DMD: variants seen among roughly 807,000 people sequenced by gnomAD.
DMD encodes the protein dystrophin.
In DMD, 63 loss-of-function variants were observed where a neutral mutation model predicts 330.1. The ratio of observed to expected loss-of-function variants is 0.19; its 90% CI spans 0.16 to 0.24. DMD has a LOEUF of 0.24. Among genes scored for constraint, DMD ranks in the 10% least tolerant of loss-of-function variants. The pLI is 1.00. For missense variants in DMD, 3,344 were observed against 2,684.1 expected, an observed-to-expected ratio of 1.25 and a Z score of -5.43; for synonymous variants, 1,223 against 959.8, an observed-to-expected ratio of 1.27 and a Z score of -5.07.
chrX:32,562,583 G>C (rs1208221828), intron 16 of DMD, among the ~76,000 whole-genome samples: 1 of 112,418 alleles, frequency 8.9e-6, no homozygotes, highest in Non-Finnish European at 1.9e-5. Flanking sequence ...AAACAATTGA[G>C]TATATCATGT....
intron 1 of DMD, among the ~76,000 whole-genome samples, chrX:33,131,687 G>C (rs746037488): frequency 1.8e-5 from 2 of 109,706 alleles, no homozygotes; most frequent in Admixed American, 9.6e-5. Flanking sequence ...AGGGTTCATC[G>C]GTACGATAAG....
chrX:32,139,812 C>T (rs2096743853), intron 44 of DMD, among the ~76,000 whole-genome samples: 1 of 112,295 alleles, frequency 8.9e-6, no homozygotes, highest in African/African-American at 3.2e-5. Flanking sequence ...TTAAAACATT[C>T]TTAAAACTTT....
At chrX:32,750,871 C>A (rs2148282637) in intron 7 of DMD, among the ~76,000 whole-genome samples, 1 of 111,532 alleles carries the variant, frequency 9.0e-6, no homozygotes, top group Admixed American at 9.5e-5. Context: ...ATTTCCCGTG[C>A]TGTTCTCATG....
chrX:31,830,910 C>T (rs1372229255), intron 49 of DMD, among the ~76,000 whole-genome samples: 1 of 111,957 alleles, frequency 8.9e-6, no homozygotes, highest in Non-Finnish European at 1.9e-5. Flanking sequence ...GCTCCTTTAC[C>T]AACGACGTGT....
intron 1 of DMD, among the ~76,000 whole-genome samples, chrX:33,102,671 T>G (rs1351764594): frequency 8.9e-6 from 1 of 111,763 alleles, no homozygotes; most frequent in African/African-American, 3.2e-5. Context: ...TTACCATACT[T>G]GGTATATTAT....
chrX:33,287,634 T>C (rs1569559567), intron 1 of DMD, among the ~76,000 whole-genome samples: 1 of 111,271 alleles, frequency 9.0e-6, no homozygotes, highest in African/African-American at 3.3e-5. Flanking sequence ...TCAACATCAA[T>C]AAAAAGTAAA....
intron 7 of DMD, among the ~76,000 whole-genome samples, chrX:32,702,936 T>C (rs1395924214): frequency 9.0e-6 from 1 of 111,556 alleles, no homozygotes; most frequent in Non-Finnish European, 1.9e-5. Context: ...CTGATTGTTC[T>C]GCAGCCATGG....
At chrX:32,854,896 T>C (rs774333511) in intron 2 of DMD, among the ~76,000 whole-genome samples, 30 of 111,648 alleles carry the variant, frequency 2.7e-4, no homozygotes, top group Non-Finnish European at 5.7e-4. Context: ...CTGCAGGCTA[T>C]TATCTCTGAC....
chrX:31,299,113 T>A (rs765007671), intron 62 of DMD, among the ~76,000 whole-genome samples: 1 of 111,718 alleles, frequency 9.0e-6, no homozygotes, highest in Admixed American at 9.5e-5. Context: ...TCTGCAAATG[T>A]CATTTACAAA....
At chrX:32,898,933 A>G (rs2085975068) in intron 2 of DMD, among the ~76,000 whole-genome samples, 1 of 111,937 alleles carries the variant, frequency 8.9e-6, no homozygotes, top group African/African-American at 3.2e-5. Context: ...ATCACTGCCT[A>G]CTATATATCA....
chrX:32,951,591 G>A (rs1302651470), intron 2 of DMD, among the ~76,000 whole-genome samples: 1 of 110,987 alleles, frequency 9.0e-6, no homozygotes, highest in African/African-American at 3.3e-5. Context: ...CTTCCCATGG[G>A]TTTCTCCTTT....
chrX:32,552,594 C>T (rs992056377), intron 16 of DMD, among the ~76,000 whole-genome samples: 1 of 111,792 alleles, frequency 8.9e-6, no homozygotes, highest in African/African-American at 3.3e-5. Context: ...AACTAAAGAA[C>T]TTCTACACAA....
chrX:33,081,210 GGA>G (rs752811638), intron 1 of DMD, among the ~76,000 whole-genome samples: 12 of 111,503 alleles, frequency 1.1e-4, no homozygotes, highest in Non-Finnish European at 2.3e-4. Context: ...CAACCCAAAA[GGA>G]GAGAAATACT....
At chrX:32,671,956 G>A (rs1247093755) in intron 9 of DMD, among the ~76,000 whole-genome samples, 1 of 110,775 alleles carries the variant, frequency 9.0e-6, no homozygotes, top group East Asian at 2.8e-4. Context: ...CACCCCTCAA[G>A]GTCTTTATAT....
At chrX:32,763,813 C>T (rs779634702) in intron 7 of DMD, among the ~76,000 whole-genome samples, 1 of 111,237 alleles carries the variant, frequency 9.0e-6, no homozygotes, top group Non-Finnish European at 1.9e-5. Flanking sequence ...ATCGTGCTCT[C>T]CAAACCCCAG....
intron 44 of DMD, among the ~76,000 whole-genome samples, chrX:31,977,694 G>A (rs2074214321): frequency 9.2e-6 from 1 of 108,143 alleles, no homozygotes; most frequent in Non-Finnish European, 1.9e-5. Context: ...CTGTTGTATG[G>A]TAATACTACT....
intron 50 of DMD, among the ~76,000 whole-genome samples, chrX:31,811,618 C>T (rs1223802901): frequency 3.6e-5 from 4 of 112,075 alleles, no homozygotes; most frequent in African/African-American, 1.3e-4. Context: ...AGGGTCTTCA[C>T]ATTTTTTGTA....
intron 44 of DMD, among the ~76,000 whole-genome samples, chrX:32,163,689 A>G (rs1454432759): frequency 2.7e-5 from 3 of 111,839 alleles, no homozygotes; most frequent in African/African-American, 9.8e-5. Context: ...AGATTGTGTT[A>G]ATATCAATTT....
chrX:33,083,292 T>C (rs2094957951), intron 1 of DMD, among the ~76,000 whole-genome samples: 1 of 112,405 alleles, frequency 8.9e-6, no homozygotes, highest in African/African-American at 3.2e-5. Context: ...ACGGGCTGCA[T>C]GGGGAACTGA....
Sources: allele counts gnomAD v4.1 joint callset (sites outside exome capture counted in the v4.1 genomes callset), GRCh38; gene constraint gnomAD v4.1.1; transcripts MANE v1.5; gene names NCBI Gene and HGNC (gene_info 2026-07-23, HGNC 2026-07-21).